The following CRACD variants were observed in gnomAD, a reference collection of about 807,000 sequenced individuals.
CRACD encodes capping protein inhibiting regulator of actin dynamics, also known as capping protein-inhibiting regulator of actin dynamics.
CRACD carries 56 observed loss-of-function variants against 106.8 expected under a neutral mutation model. That is an observed-to-expected ratio of 0.52 (90% CI 0.42 to 0.66). The LOEUF (loss-of-function observed/expected upper bound fraction) is 0.66, where lower values mean the gene tolerates loss of function less well. CRACD is among the 30% of genes least tolerant of loss of function. CRACD has a pLI of 0.00. For synonymous variants in CRACD, 754 were observed against 670.8 expected, an observed-to-expected ratio of 1.12 and a Z score of -1.92; for missense variants, 1,730 against 1,623.2, an observed-to-expected ratio of 1.07 and a Z score of -1.13.
At position 56,307,656 on chromosome 4, in the gene CRACD, T is replaced by C. The variant is rs201525941; in HGVS notation, c.242T>C (p.Ile81Thr). ...CTGTTCCTGACCAGTCCCATGGAAA[T>C]TGTGACTCAGCAGGACATCGTCCTC... ...EDLFLTSPME[I>T]VTQQDIVLSD... The change falls in exon 5 of 11, where the codon ATT becomes ACT. Residue 81 changes from isoleucine (I) to threonine (T), a missense_variant. Ile to Thr is a moderately conservative substitution (Grantham distance 89). Transcript: ENST00000682029. 3.2e-5 allele frequency: 51 copies of C among 1,614,010 alleles called. No individual in the cohort carries two copies. The highest frequency in any genetic ancestry group is 4.2e-5 in the Non-Finnish European group (49 of 1,180,026).
chr4:56,237,995 A>G (rs1740091085), intron 2 of CRACD, among the ~76,000 whole-genome samples: 1 of 147,708 alleles, frequency 6.8e-6, no homozygotes, highest in African/African-American at 2.4e-5. Flanking sequence ...CTCTGAACTA[A>G]TTGTTTATCT....
At chr4:56,139,429 T>C (rs1735119958) in intron 1 of CRACD, among the ~76,000 whole-genome samples, 2 of 152,208 alleles carry the variant, frequency 1.3e-5, no homozygotes, top group South Asian at 4.1e-4. Flanking sequence ...GTTCTTTCCT[T>C]TCTACTGCAT....
chr4:56,104,400 A>G (rs1733876619), intron 1 of CRACD, among the ~76,000 whole-genome samples: 1 of 151,576 alleles, frequency 6.6e-6, no homozygotes, highest in Non-Finnish European at 1.5e-5. Flanking sequence ...TGTCTCAAAA[A>G]ACAAACACAA....
At chr4:56,308,678 C>A in intron 5 of CRACD, 1 of 825,322 alleles carries the variant, frequency 1.2e-6, no homozygotes, top group Non-Finnish European at 1.5e-6. Flanking sequence ...CATTCCTCCC[C>A]TGTTGCCCAT....
intron 1 of CRACD, among the ~76,000 whole-genome samples, chr4:56,128,506 A>G (rs2109862318): frequency 6.6e-6 from 1 of 152,314 alleles, no homozygotes. Context: ...ATGCTTCTTG[A>G]CAAGGGTGAC....
At chr4:56,152,783 T>C (rs1735628104) in intron 1 of CRACD, among the ~76,000 whole-genome samples, 2 of 152,154 alleles carry the variant, frequency 1.3e-5, no homozygotes, top group Admixed American at 1.3e-4. Context: ...GTCACCCTTT[T>C]TCATGTATAA....
At chr4:56,257,795 G>C (rs1741458519) in intron 2 of CRACD, among the ~76,000 whole-genome samples, 1 of 152,126 alleles carries the variant, frequency 6.6e-6, no homozygotes, top group Admixed American at 6.5e-5. Context: ...ACATTGGCCG[G>C]CCATGGTGGC....
At chr4:56,268,475 T>A (rs1742157483) in intron 2 of CRACD, among the ~76,000 whole-genome samples, 1 of 152,076 alleles carries the variant, frequency 6.6e-6, no homozygotes. Context: ...GTAAAAAAAA[T>A]TATTTTTAAA....
chr4:56,129,791 G>A (rs2109863776), intron 1 of CRACD, among the ~76,000 whole-genome samples: 1 of 152,310 alleles, frequency 6.6e-6, no homozygotes, highest in East Asian at 1.9e-4. Flanking sequence ...GATGTGATAG[G>A]ATTATGCGTA....
intron 1 of CRACD, among the ~76,000 whole-genome samples, chr4:56,124,423 C>G (rs1435502627): frequency 6.6e-6 from 1 of 152,172 alleles, no homozygotes; most frequent in Non-Finnish European, 1.5e-5. Context: ...ATCATTTTAT[C>G]TGTAAATTCT....
chr4:56,304,941 G>A (rs889917849), intron 4 of CRACD, among the ~76,000 whole-genome samples: 2 of 152,026 alleles, frequency 1.3e-5, no homozygotes, highest in African/African-American at 4.8e-5. Flanking sequence ...CCTTTCCAGC[G>A]GGGTGCAGTG....
chr4:56,249,547 T>C (rs1384380903), intron 2 of CRACD, among the ~76,000 whole-genome samples: 5 of 152,196 alleles, frequency 3.3e-5, no homozygotes, highest in Non-Finnish European at 5.9e-5. Context: ...CTGATGGTAG[T>C]TTCTTTTTCA....
At position 56,074,864 on chromosome 4, in the gene CRACD, A is replaced by G. The variant is rs570643012; in HGVS notation, c.-336+25565A>G. Among the ~76,000 whole-genome samples, 152 of 152,274 alleles carry G rather than the reference A, an allele frequency of 1.0e-3. 1 individual carries two copies. Among genetic ancestry groups the G allele is most frequent in the African/African-American group, 3.2e-3 (133 of 41,542 alleles). On this transcript the variant is annotated intron_variant, in intron 1 of 10. Transcript: ENST00000682029. ...TATTATTTTGAGATACGTTCCATCA[A>G]TACCTAGTTTATTGAGAGTTTTTAG...
chr4:56,251,712 T>C (rs867869768), intron 2 of CRACD, among the ~76,000 whole-genome samples: 3 of 152,302 alleles, frequency 2.0e-5, no homozygotes, highest in Middle Eastern at 3.4e-3. Flanking sequence ...GAACATCGGC[T>C]CTGGCTTTGG....
intron 1 of CRACD, among the ~76,000 whole-genome samples, chr4:56,071,769 C>G (rs1732657174): frequency 6.6e-6 from 1 of 151,916 alleles, no homozygotes; most frequent in Non-Finnish European, 1.5e-5. Context: ...CCTCGGCCTC[C>G]CAAAGTACTG....
At chr4:56,160,541 T>C (rs1560467655) in intron 1 of CRACD, among the ~76,000 whole-genome samples, 1 of 152,176 alleles carries the variant, frequency 6.6e-6, no homozygotes, top group African/African-American at 2.4e-5. Context: ...GAACAGACCC[T>C]CGCCTCCTGC....
intron 1 of CRACD, among the ~76,000 whole-genome samples, chr4:56,117,915 T>A (rs908849499): frequency 6.6e-6 from 1 of 151,922 alleles, no homozygotes; most frequent in Non-Finnish European, 1.5e-5. Flanking sequence ...CCTGCCACCA[T>A]GCCCAGCTAA....
intron 1 of CRACD, among the ~76,000 whole-genome samples, chr4:56,066,285 T>G (rs1732464821): frequency 6.6e-6 from 1 of 152,202 alleles, no homozygotes; most frequent in Non-Finnish European, 1.5e-5. Flanking sequence ...CACAACTGTA[T>G]TATTACTTCT....
chr4:56,166,675 C>CAAAAA lies in CRACD; in HGVS notation c.-335-12596_-335-12592dup, dbSNP rs35537364. On this transcript the variant is annotated intron_variant, in intron 1 of 10. Coordinates refer to ENST00000682029, the MANE Select transcript of CRACD (RefSeq NM_001393381.1). ...GGTGAGACAGAGAGACACTCTGTCT[C>CAAAAA]AAAAAAAAAAAAAAAAACCATTTAA... Among the ~76,000 whole-genome samples the CAAAAA allele has an allele frequency of 3.2e-3, 298 of 92,736 alleles. 23 individuals are homozygous for CAAAAA. Among genetic ancestry groups the CAAAAA allele is most frequent in the African/African-American group, 0.01 (225 of 22,296 alleles). 60.8% of individuals were successfully genotyped at this position (92,736 alleles called of 152,430 possible).
Sources: gnomAD v4.1 joint callset for allele counts (sites outside exome capture counted in the v4.1 genomes callset) on GRCh38, gnomAD v4.1.1 for gene constraint, MANE v1.5 for transcripts, NCBI Gene and HGNC (gene_info 2026-07-23, HGNC 2026-07-21) for gene names.